The following BCO1 variants were observed in gnomAD, a reference collection of about 807,000 sequenced individuals.
BCO1 encodes the protein beta-carotene oxygenase 1.
A neutral mutation model predicts 56.3 loss-of-function variants in BCO1; 54 were observed. That is an observed-to-expected ratio of 0.96 (90% CI 0.77 to 1.20). BCO1 has a LOEUF of 1.20. Among genes scored for constraint, BCO1 ranks in the 50% most tolerant of loss-of-function variants. The probability of loss-of-function intolerance (pLI) is 0.00; values close to 1 mark genes in which losing one functional copy is unlikely to be tolerated. For missense variants in BCO1, 801 were observed against 690.9 expected (o/e 1.16, Z -1.79); for synonymous variants, 318 against 266.1 (o/e 1.20, Z -1.90).
chr16:81,272,361 G>A (rs551613043), intron 7 of BCO1, among the ~76,000 whole-genome samples: 16 of 151,612 alleles, frequency 1.1e-4, no homozygotes, highest in Middle Eastern at 3.4e-3. Context: ...CTCATGATCC[G>A]CCCGCCTTGG....
chr16:81,254,450 A>AT (rs796296851), intron 2 of BCO1, among the ~76,000 whole-genome samples: 1,844 of 138,338 alleles, frequency 0.013, 25 homozygotes, highest in African/African-American at 0.038. Context: ...CACACCAAGC[A>AT]TTTTTTTTTT....
intron 2 of BCO1, among the ~76,000 whole-genome samples, chr16:81,258,716 C>T (rs977044631): frequency 6.6e-6 from 1 of 152,176 alleles, no homozygotes; most frequent in African/African-American, 2.4e-5. Flanking sequence ...TAAGAACAGA[C>T]ATATTTTGCA....
In BCO1 at chr16:81,285,568, T is replaced by C; in HGVS notation, c.1236T>C (p.Ala412=). The C allele has an allele frequency of 2.5e-6, 4 of 1,613,814 alleles. No individual in the cohort carries two copies. Among genetic ancestry groups the C allele is most frequent in the Non-Finnish European group, 3.4e-6 (4 of 1,179,688 alleles). ...EGLELPRVNY[A]HNGKQYRYVF... ...TAGAGCTTCCACGGGTCAATTATGC[T>C]CACAATGGAAAGCAATACCGATATG... Residue 412 remains alanine (A), a synonymous_variant, in exon 9 of 11, where the codon GCT becomes GCC. Coordinates refer to ENST00000258168, the MANE Select transcript of BCO1 (RefSeq NM_017429.3).
intron 7 of BCO1, among the ~76,000 whole-genome samples, chr16:81,272,324 T>C (rs533175965): frequency 1.3e-5 from 2 of 151,452 alleles, no homozygotes; most frequent in Admixed American, 6.6e-5. Flanking sequence ...TTCACCGTGT[T>C]AGCCAGGATG....
At chr16:81,269,482 T>A (rs529733207) in intron 6 of BCO1, among the ~76,000 whole-genome samples, 1 of 152,182 alleles carries the variant, frequency 6.6e-6, no homozygotes, top group African/African-American at 2.4e-5. Context: ...TTATTTATTT[T>A]TTGAGATGGA....
chr16:81,283,048 A>G (rs1907972158), intron 8 of BCO1, among the ~76,000 whole-genome samples: 1 of 152,242 alleles, frequency 6.6e-6, no homozygotes, highest in South Asian at 2.1e-4. Flanking sequence ...CAGCAGAGCC[A>G]GGTTCTGACC....
chr16:81,251,924 A>G (rs1449883105), intron 2 of BCO1, among the ~76,000 whole-genome samples: 2 of 151,140 alleles, frequency 1.3e-5, no homozygotes, highest in African/African-American at 2.4e-5. Context: ...CTTCCCCAAA[A>G]TATCAAACTT....
intron 2 of BCO1, among the ~76,000 whole-genome samples, chr16:81,259,215 C>T (rs948912644): frequency 3.3e-5 from 5 of 152,070 alleles, no homozygotes; most frequent in South Asian, 2.1e-4. Context: ...TATTCCAGGC[C>T]GGGCATGGTG....
intron 2 of BCO1, among the ~76,000 whole-genome samples, chr16:81,245,849 C>CTTTTTTTT (rs1176582576): frequency 1.1e-5 from 1 of 93,392 alleles, no homozygotes; most frequent in Non-Finnish European, 2.0e-5. Context: ...CCATCTCTGT[C>CTTTTTTTT]TTTTTTTTTT....
At position 81,282,217 on chromosome 16, in the gene BCO1, G is replaced by A. The variant is rs8048194; in HGVS notation, c.1207+1255G>A. 8.4e-3 allele frequency among the ~76,000 whole-genome samples: 1,273 copies of A among 152,092 alleles called. 26 individuals are homozygous for A. Among genetic ancestry groups the A allele is most frequent in the African/African-American group, 0.029 (1,207 of 41,472 alleles). On this transcript the variant is annotated intron_variant, in intron 8 of 10. Transcript: ENST00000258168. ...AACATGGCGAAAACACATCTCTACC[G>A]AAAATACAAAAATTAGCCGGCATGG... is the stretch of plus-strand genomic sequence containing the variant.
chr16:81,285,679 G>C, intron 9 of BCO1, 45 bp downstream of exon 9: 1 of 1,382,722 alleles, frequency 7.2e-7, no homozygotes, highest in Non-Finnish European at 1.0e-6. Flanking sequence ...CAGTGATTGT[G>C]TCTATATGCA....
chr16:81,248,651 C>G (rs1026397248), intron 2 of BCO1, among the ~76,000 whole-genome samples: 1 of 152,050 alleles, frequency 6.6e-6, no homozygotes, highest in Non-Finnish European at 1.5e-5. Context: ...CCTTTCTTTT[C>G]TAAACAGAAG....
chr16:81,255,557 T>G (rs1161078265), intron 2 of BCO1, among the ~76,000 whole-genome samples: 1 of 151,948 alleles, frequency 6.6e-6, no homozygotes, highest in Non-Finnish European at 1.5e-5. Context: ...TGGAGTGCAG[T>G]GGCGTGATCT....
At chr16:81,289,779 T>G (rs1453198478) in intron 10 of BCO1, among the ~76,000 whole-genome samples, 1 of 152,208 alleles carries the variant, frequency 6.6e-6, no homozygotes, top group Admixed American at 6.5e-5. Flanking sequence ...ATCGCATCTC[T>G]ACAGATGAAG....
At chr16:81,242,840 A>G (rs902883688) in intron 1 of BCO1, among the ~76,000 whole-genome samples, 21 of 152,252 alleles carry the variant, frequency 1.4e-4, no homozygotes, top group African/African-American at 4.6e-4. Context: ...GATCGGTGGC[A>G]TTAGATTCTC....
chr16:81,256,261 A>C (rs1906131462), intron 2 of BCO1, among the ~76,000 whole-genome samples: 1 of 152,090 alleles, frequency 6.6e-6, no homozygotes, highest in African/African-American at 2.4e-5. Context: ...GGCTGTTAGT[A>C]CTAGTTTCCT....
intron 2 of BCO1, among the ~76,000 whole-genome samples, chr16:81,253,796 T>A (rs1905956719): frequency 6.6e-6 from 1 of 152,010 alleles, no homozygotes; most frequent in South Asian, 2.1e-4. Flanking sequence ...AGATCCCATC[T>A]CTACAAAAAA....
chr16:81,246,951 G>A (rs188615612), intron 2 of BCO1, among the ~76,000 whole-genome samples: 15 of 151,876 alleles, frequency 9.9e-5, no homozygotes, highest in Admixed American at 6.6e-4. Flanking sequence ...ACAATAAGCC[G>A]AGGGATCTCC....
chr16:81,250,549 T>C (rs1166421934), intron 2 of BCO1, among the ~76,000 whole-genome samples: 1 of 148,490 alleles, frequency 6.7e-6, no homozygotes, highest in African/African-American at 2.5e-5. Flanking sequence ...TCTCAAAAAG[T>C]GGTTTGTGTG....
Sources: allele counts gnomAD v4.1 joint callset (sites outside exome capture counted in the v4.1 genomes callset), GRCh38; gene constraint gnomAD v4.1.1; transcripts MANE v1.5; gene names NCBI Gene and HGNC (gene_info 2026-07-23, HGNC 2026-07-21).